Variants in PYGO1 observed in about 807,000 individuals in gnomAD.
PYGO1 encodes the protein pygopus family PHD finger 1, also known as pygopus homolog 1.
A neutral mutation model predicts 29.5 loss-of-function variants in PYGO1; 6 were observed. That is an observed-to-expected ratio of 0.20 (90% CI 0.11 to 0.40). PYGO1 has a LOEUF of 0.40. Ranked by LOEUF, PYGO1 falls within the 10% of genes least tolerant of loss-of-function variation. The pLI is 1.00. For synonymous variants in PYGO1, 186 were observed against 180.5 expected (o/e 1.03, Z -0.24); for missense variants, 515 against 514.9 (o/e 1.00, Z 0.00).
chr15:55,563,795 G>T (rs1256694454), intron 1 of PYGO1, among the ~76,000 whole-genome samples: 1 of 151,998 alleles, frequency 6.6e-6, no homozygotes, highest in Non-Finnish European at 1.5e-5. Context: ...TACACAAATG[G>T]CCAAGAAACA....
intron 1 of PYGO1, among the ~76,000 whole-genome samples, chr15:55,561,405 C>T (rs2058932163): frequency 6.6e-6 from 1 of 152,170 alleles, no homozygotes; most frequent in South Asian, 2.1e-4. Context: ...TTCCACATGG[C>T]CCGGGAGGCC....
At chr15:55,566,326 G>C (rs1475859372) in intron 1 of PYGO1, among the ~76,000 whole-genome samples, 1 of 151,286 alleles carries the variant, frequency 6.6e-6, no homozygotes, top group Non-Finnish European at 1.5e-5. Context: ...TGCAGTATTT[G>C]ATTTTCTCTT....
At chr15:55,567,039 T>C (rs1308079973) in intron 1 of PYGO1, among the ~76,000 whole-genome samples, 3 of 151,948 alleles carry the variant, frequency 2.0e-5, no homozygotes, top group Non-Finnish European at 4.4e-5. Flanking sequence ...AGCCATTTTT[T>C]GACTTTTTAA....
chr15:55,560,723 G>A (rs1045539989), intron 1 of PYGO1, among the ~76,000 whole-genome samples: 9 of 152,162 alleles, frequency 5.9e-5, no homozygotes, highest in African/African-American at 2.2e-4. Flanking sequence ...AGCACTTTGG[G>A]AGGCTGAGGT....
chr15:55,569,206 A>G (rs1382311783), intron 1 of PYGO1, among the ~76,000 whole-genome samples: 1 of 152,174 alleles, frequency 6.6e-6, no homozygotes, highest in Non-Finnish European at 1.5e-5. Flanking sequence ...AGTAGAATTC[A>G]GCTATAAATT....
At position 55,588,032 on chromosome 15, in the gene PYGO1, C is replaced by A. The variant is rs2059056879; in HGVS notation, c.-149G>T. ...CGGCCGAGGGCGGTGGGGACGCGGG[C>A]CGACTTTGCAAAGTTTGGGAGGAGG... is the stretch of plus-strand genomic sequence containing the variant. On this transcript the variant is annotated 5_prime_UTR_variant, in exon 1 of 3. Coordinates refer to ENST00000563719, the MANE Select transcript of PYGO1 (RefSeq NM_001367806.1). 8.0e-7 allele frequency: 1 copy of A among 1,244,292 alleles called. No individual in the cohort carries two copies. Among genetic ancestry groups the A allele is most frequent in the Non-Finnish European group, 1.0e-6 (1 of 990,480 alleles). 77.1% of individuals were successfully genotyped at this position (1,244,292 alleles called of 1,614,324 possible). A position where few individuals can be genotyped will look rare whatever the true frequency, so the allele number is the denominator to read the frequency against.
chr15:55,558,931 C>G (rs1405761109), intron 1 of PYGO1, among the ~76,000 whole-genome samples: 1 of 151,864 alleles, frequency 6.6e-6, no homozygotes, highest in Non-Finnish European at 1.5e-5. Flanking sequence ...TGGGCAAGGA[C>G]TTCATGTCTA....
chr15:55,571,728 T>C (rs1475979834), intron 1 of PYGO1, among the ~76,000 whole-genome samples: 1 of 152,176 alleles, frequency 6.6e-6, no homozygotes, highest in Non-Finnish European at 1.5e-5. Flanking sequence ...GTCTTGGGTA[T>C]GTCTTTATCA....
At chr15:55,548,707 TAAAAAAAAA>T (rs60796044) in intron 2 of PYGO1, among the ~76,000 whole-genome samples, 194 bp downstream of exon 2, 41 of 55,414 alleles carry the variant, frequency 7.4e-4, no homozygotes, top group Non-Finnish European at 9.9e-4. Context: ...AGAATCCACC[TAAAAAAAAA>T]AAAAAAAAAA....
chr15:55,576,151 A>T (rs1006010089), intron 1 of PYGO1, among the ~76,000 whole-genome samples: 1 of 152,204 alleles, frequency 6.6e-6, no homozygotes, highest in Non-Finnish European at 1.5e-5. Context: ...AAAGCTGTTA[A>T]AGCTTGTTAA....
chr15:55,560,302 C>G (rs911360813), intron 1 of PYGO1, among the ~76,000 whole-genome samples: 8 of 152,084 alleles, frequency 5.3e-5, no homozygotes, highest in Non-Finnish European at 1.0e-4. Context: ...AGCTCAAAAG[C>G]TTCTTAAGCT....
At chr15:55,554,386 G>A (rs967923367) in intron 1 of PYGO1, among the ~76,000 whole-genome samples, 15 of 151,074 alleles carry the variant, frequency 9.9e-5, no homozygotes, top group Admixed American at 1.3e-4. Flanking sequence ...GGAGAATGGC[G>A]TGAACATGGG....
intron 1 of PYGO1, among the ~76,000 whole-genome samples, chr15:55,584,637 T>C (rs2059039235): frequency 1.3e-5 from 2 of 152,190 alleles, no homozygotes. Flanking sequence ...GAAAGCAGCA[T>C]AATTCATGTA....
At chr15:55,586,493 A>G (rs1175289025) in intron 1 of PYGO1, among the ~76,000 whole-genome samples, 1 of 152,222 alleles carries the variant, frequency 6.6e-6, no homozygotes, top group Non-Finnish European at 1.5e-5. Flanking sequence ...TTAAAATGCT[A>G]TAATTTAAAA....
intron 1 of PYGO1, among the ~76,000 whole-genome samples, chr15:55,561,583 T>C (rs1468159269): frequency 6.6e-6 from 1 of 152,194 alleles, no homozygotes; most frequent in Admixed American, 6.5e-5. Context: ...ACCACCCCCA[T>C]AAGCCAATCG....
intron 1 of PYGO1, among the ~76,000 whole-genome samples, chr15:55,553,217 C>G (rs964226219): frequency 3.9e-5 from 6 of 152,096 alleles, no homozygotes; most frequent in African/African-American, 1.4e-4. Flanking sequence ...CAGGGTTATA[C>G]AAGCAGAACT....
At chr15:55,550,491 T>C (rs1013706036) in intron 1 of PYGO1, among the ~76,000 whole-genome samples, 2 of 152,116 alleles carry the variant, frequency 1.3e-5, no homozygotes, top group East Asian at 1.9e-4. Context: ...TTCAACATGT[T>C]TTCTCAGAGG....
At chr15:55,585,693 T>C (rs56287867) in intron 1 of PYGO1, among the ~76,000 whole-genome samples, 63,573 of 152,072 alleles carry the variant, frequency 0.42, 17,028 homozygotes, top group Non-Finnish European at 0.6. Flanking sequence ...AATGAAGATA[T>C]ATCTGTGTTC....
chr15:55,554,484 A>AAAAAAAAAAAAAAAAAAAAG (rs2058894729), intron 1 of PYGO1, among the ~76,000 whole-genome samples: 1 of 147,914 alleles, frequency 6.8e-6, no homozygotes, highest in Non-Finnish European at 1.5e-5. Flanking sequence ...AAAAAAAAAA[A>AAAAAAAAAAAAAAAAAAAAG]AAAAAAAAAG....
Sources: allele counts gnomAD v4.1 joint callset (sites outside exome capture counted in the v4.1 genomes callset), GRCh38; gene constraint gnomAD v4.1.1; transcripts MANE v1.5; gene names NCBI Gene and HGNC (gene_info 2026-07-23, HGNC 2026-07-21).